MAGOH: variants seen among roughly 807,000 people sequenced by gnomAD.
MAGOH encodes the protein mago homolog, exon junction complex subunit, also known as protein mago nashi homolog.
A neutral mutation model predicts 20.9 loss-of-function variants in MAGOH; 3 were observed. The observed-to-expected ratio is 0.14, with a 90% CI of 0.07 to 0.37. The LOEUF is 0.37. Ranked by LOEUF, MAGOH falls within the 10% of genes least tolerant of loss-of-function variation. The pLI is 1.00. For synonymous variants in MAGOH, 51 were observed against 61.0 expected, an observed-to-expected ratio of 0.84 and a Z score of 0.76; for missense variants, 66 against 178.1, an observed-to-expected ratio of 0.37 and a Z score of 3.58.
At chr1:53,227,981 C>T (rs1645568459) in intron 4 of MAGOH, among the ~76,000 whole-genome samples, 1 of 152,148 alleles carries the variant, frequency 6.6e-6, no homozygotes, top group South Asian at 2.1e-4. Flanking sequence ...CGTACCTAAT[C>T]CTGAACCCTC....
intron 1 of MAGOH, among the ~76,000 whole-genome samples, chr1:53,236,132 A>G (rs906025109): frequency 6.6e-6 from 1 of 152,202 alleles, no homozygotes; most frequent in African/African-American, 2.4e-5. Context: ...CCCTTTGCCC[A>G]TGTGTGCATC....
At chr1:53,231,034 T>C (rs1383279926) in intron 3 of MAGOH, among the ~76,000 whole-genome samples, 2 of 152,246 alleles carry the variant, frequency 1.3e-5, no homozygotes, top group African/African-American at 2.4e-5. Context: ...ACAAAATTAC[T>C]CCCTAACGCG....
intron 1 of MAGOH, among the ~76,000 whole-genome samples, chr1:53,236,936 T>G (rs898503498): frequency 6.1e-5 from 9 of 148,674 alleles, no homozygotes; most frequent in Admixed American, 1.3e-4. Flanking sequence ...ATCTCTGTAG[T>G]CCCAACCAGT....
In MAGOH at chr1:53,232,434, CTG is replaced by C. The variant is rs968299252; in HGVS notation, c.258+1106_258+1107del. 4.6e-5 allele frequency among the ~76,000 whole-genome samples: 7 copies of C among 151,858 alleles called. No homozygotes were observed. The East Asian group carries it at 1.3e-3, about 29-fold the overall frequency. On this transcript the variant is annotated intron_variant, in intron 3 of 4. Coordinates refer to ENST00000371470, the MANE Select transcript of MAGOH (RefSeq NM_002370.4). ...AAAGACAACACATATTGTGATAAAACTGAAAGCAAAAAGAAAAAAAAACACAA... is the reference window on the plus strand; with the variant it reads ...AAAGACAACACATATTGTGATAAAACAAAGCAAAAAGAAAAAAAAACACAA...
At chr1:53,230,961 T>C (rs908324089) in intron 3 of MAGOH, among the ~76,000 whole-genome samples, 7 of 152,194 alleles carry the variant, frequency 4.6e-5, no homozygotes, top group African/African-American at 1.7e-4. Context: ...CTTCTATACA[T>C]CTCCTTGTAC....
chr1:53,233,819 G>T, intron 2 of MAGOH, 167 bp from the exon 3 acceptor site: 2 of 570,250 alleles, frequency 3.5e-6, no homozygotes, highest in Non-Finnish European at 6.3e-6. Context: ...TGAGGGACAC[G>T]GTCAGAAGTA....
rs978804343 is a variant in MAGOH, at chr1:53,238,464, A to G, written c.-16T>C. ...CACTCTCCATGGCTCCCAAAAGACA[A>G]CCGAGCCTGAACTTCCAAGAGCAAG... is the stretch of plus-strand genomic sequence containing the variant. On this transcript the variant is annotated 5_prime_UTR_variant, in exon 1 of 5. Coordinates refer to ENST00000371470, the MANE Select transcript of MAGOH (RefSeq NM_002370.4). 1 of 1,610,484 alleles carries G rather than the reference A, an allele frequency of 6.2e-7. No individual in the cohort carries two copies. The highest frequency in any genetic ancestry group is 8.5e-7 in the Non-Finnish European group (1 of 1,176,666).
Position 53,226,986 on chromosome 1 carries a change from C to T in MAGOH, c.*59G>A, listed in dbSNP as rs1325560561. On this transcript the variant is annotated 3_prime_UTR_variant, in exon 5 of 5. Coordinates refer to ENST00000371470, the MANE Select transcript of MAGOH (RefSeq NM_002370.4). Reference sequence around the variant, plus strand: ...TTATAGTTCATAAAAAAATACTGCCCTGATATACACAAAATTTTCTACTCC... The same window carrying T: ...TTATAGTTCATAAAAAAATACTGCCTTGATATACACAAAATTTTCTACTCC... 7 of 853,772 alleles carry T rather than the reference C, an allele frequency of 8.2e-6. No individual in the cohort carries two copies. The Admixed American group carries it at 1.4e-4, about 17-fold the overall frequency. The allele number at this position is 853,772 out of a possible 1,614,324, so 52.9% of individuals were successfully genotyped here.
At chr1:53,230,114 G>T (rs544944086) in intron 3 of MAGOH, among the ~76,000 whole-genome samples, 1 of 152,170 alleles carries the variant, frequency 6.6e-6, no homozygotes, top group Non-Finnish European at 1.5e-5. Flanking sequence ...TGTTCTCAGT[G>T]CTTTGGACAG....
intron 4 of MAGOH, among the ~76,000 whole-genome samples, chr1:53,228,061 T>C (rs1473213220): frequency 2.0e-5 from 3 of 152,166 alleles, no homozygotes; most frequent in African/African-American, 7.2e-5. Flanking sequence ...ATGCCTCAAC[T>C]TGATAATCTG....
In MAGOH at chr1:53,238,473, G is replaced by C. The variant is rs546730677; in HGVS notation, c.-25C>G. 1.2e-5 allele frequency: 19 copies of C among 1,601,602 alleles called. No individual in the cohort carries two copies. In the East Asian group the frequency reaches 1.6e-4, roughly 13 times the overall value. ...TGGCTCCCAAAAGACAACCGAGCCT[G>C]AACTTCCAAGAGCAAGCCGCACTGC... is the stretch of plus-strand genomic sequence containing the variant. On this transcript the variant is annotated 5_prime_UTR_variant, in exon 1 of 5. Transcript: ENST00000371470.
intron 3 of MAGOH, chr1:53,233,215 CA>C (rs35981276): frequency 0.51 from 93,786 of 184,180 alleles, 25,249 homozygotes; most frequent in East Asian, 0.7. Flanking sequence ...TGGTAGCAGT[CA>C]AGAGTGAAAA....
chr1:53,229,390 CG>C (rs1478366664), intron 3 of MAGOH, among the ~76,000 whole-genome samples: 1 of 151,866 alleles, frequency 6.6e-6, no homozygotes, highest in African/African-American at 2.4e-5. Context: ...TTAGTAGAGA[CG>C]GGGTTTCACC....
At chr1:53,238,239 G>A (rs1201415254) in intron 1 of MAGOH, 122 bp downstream of exon 1, 9 of 839,128 alleles carry the variant, frequency 1.1e-5, no homozygotes, top group African/African-American at 5.0e-5. Flanking sequence ...TTTAAGATCT[G>A]CACTGCACAG....
At chr1:53,227,219 T>C (rs1306297525) in intron 4 of MAGOH, 75 bp from the exon 5 acceptor site, 11 of 725,190 alleles carry the variant, frequency 1.5e-5, no homozygotes, top group South Asian at 9.8e-5. Context: ...GAAAAGACTA[T>C]ATATTAAAAC....
In MAGOH at chr1:53,233,530, A is replaced by C. The variant is rs1645596530; in HGVS notation, c.258+12T>G. The stretch of plus-strand genomic sequence containing the variant: ...AAGATTTCTGCACTACAGGATAATC[A>C]ATAAAACACACCTGCCGGCCCACTC... On this transcript the variant is annotated intron_variant, in intron 3 of 4. Transcript: ENST00000371470. 4.4e-6 allele frequency: 7 copies of C among 1,599,978 alleles called. No homozygotes were observed. The highest frequency in any genetic ancestry group is 1.3e-5 in the African/African-American group (1 of 74,664).
Position 53,235,634 on chromosome 1 carries a change from C to A in MAGOH, c.90G>T (p.Gly30=). ...TGCTGTTGTTGGCATATCTTAACTTCCCTGTGGGGGCAAAAAACAATTTCA... is the reference window on the plus strand; with the variant it reads ...TGCTGTTGTTGGCATATCTTAACTTACCTGTGGGGGCAAAAAACAATTTCA... The part of the protein sequence containing the change: ...EFLEFEFRPD[G]KLRYANNSNY... The change falls in exon 2 of 5, where the codon GGG becomes GGT. Residue 30 remains glycine, a splice_region_variant and synonymous_variant. Coordinates refer to ENST00000371470, the MANE Select transcript of MAGOH (RefSeq NM_002370.4). 6.2e-7 allele frequency: 1 copy of A among 1,613,370 alleles called. No homozygotes were observed. The highest frequency in any genetic ancestry group is 8.5e-7 in the Non-Finnish European group (1 of 1,179,538).
At chr1:53,230,972 A>G (rs1259731971) in intron 3 of MAGOH, among the ~76,000 whole-genome samples, 1 of 152,210 alleles carries the variant, frequency 6.6e-6, no homozygotes, top group Non-Finnish European at 1.5e-5. Context: ...CTCCTTGTAC[A>G]TGTGAATATG....
chr1:53,235,709 C>T, intron 1 of MAGOH, 74 bp from the exon 2 acceptor site: 6 of 1,144,612 alleles, frequency 5.2e-6, no homozygotes, highest in South Asian at 5.1e-5. Flanking sequence ...GCCAAGGCAT[C>T]AGCAGTTGCC....
Sources: gnomAD v4.1 joint callset for allele counts (sites outside exome capture counted in the v4.1 genomes callset) on GRCh38, gnomAD v4.1.1 for gene constraint, MANE v1.5 for transcripts, NCBI Gene and HGNC (gene_info 2026-07-23, HGNC 2026-07-21) for gene names.